PRKN: variants seen among roughly 807,000 people sequenced by gnomAD.
PRKN encodes parkin RBR E3 ubiquitin protein ligase.
A neutral mutation model predicts 59.5 loss-of-function variants in PRKN; 56 were observed. The ratio of observed to expected loss-of-function variants is 0.94; its 90% CI spans 0.76 to 1.18. The LOEUF is 1.18. Ranked by LOEUF, PRKN falls within the 50% of genes most tolerant of loss-of-function variation. The pLI is 0.00. For synonymous variants in PRKN, 250 were observed against 222.1 expected, an observed-to-expected ratio of 1.13 and a Z score of -1.12; for missense variants, 657 against 596.4, an observed-to-expected ratio of 1.10 and a Z score of -1.06.
chr6:162,722,042 A>G (rs1252650647), intron 1 of PRKN, among the ~76,000 whole-genome samples: 1 of 152,088 alleles, frequency 6.6e-6, no homozygotes, highest in Non-Finnish European at 1.5e-5. Flanking sequence ...TGAAGGTGCA[A>G]TCTATACCAC....
At chr6:162,727,449 G>A (rs1779316372) in intron 1 of PRKN, among the ~76,000 whole-genome samples, 1 of 152,120 alleles carries the variant, frequency 6.6e-6, no homozygotes, top group South Asian at 2.1e-4. Context: ...GAGCAGGGGC[G>A]GGCAGGCGAG....
At chr6:162,338,524 G>T (rs1363360372) in intron 2 of PRKN, among the ~76,000 whole-genome samples, 1 of 152,214 alleles carries the variant, frequency 6.6e-6, no homozygotes, top group Non-Finnish European at 1.5e-5. Context: ...GAGGTGCCGG[G>T]ATTGCAGACG....
chr6:162,645,868 C>CTTTTTTTT (rs751656108), intron 1 of PRKN, among the ~76,000 whole-genome samples: 5 of 121,138 alleles, frequency 4.1e-5, no homozygotes, highest in Non-Finnish European at 5.2e-5. Context: ...TAAACTTTCT[C>CTTTTTTTT]TTTTTTTTTT....
At position 161,772,809 on chromosome 6, in the gene PRKN, A is replaced by G. The variant is rs562143193; in HGVS notation, c.871+12963T>C. Among the ~76,000 whole-genome samples the G allele has an allele frequency of 1.1e-4, 16 of 152,292 alleles. 1 individual carries two copies. In the South Asian group the frequency reaches 2.9e-3, roughly 28 times the overall value. On this transcript the variant is annotated intron_variant, in intron 7 of 11. Transcript: ENST00000366898. ...GAGGAAGACAGCCATTATCTAGTGT[A>G]ATTAACAAAATATATATAACAAAAA...
At chr6:161,519,932 G>A (rs1778758391) in intron 9 of PRKN, among the ~76,000 whole-genome samples, 1 of 152,170 alleles carries the variant, frequency 6.6e-6, no homozygotes, top group Non-Finnish European at 1.5e-5. Flanking sequence ...GTAACAATTA[G>A]AAGGTGAAAG....
At position 162,186,066 on chromosome 6, in the gene PRKN, T is replaced by C. The variant is rs191495760; in HGVS notation, c.534+15065A>G. On this transcript the variant is annotated intron_variant, in intron 4 of 11. Coordinates refer to ENST00000366898, the MANE Select transcript of PRKN (RefSeq NM_004562.3). ...GTGAACCTTGTATAGTTTTCTTGGG[T>C]GTAAAATAGTCACAGGATTCCCAAC... is the stretch of plus-strand genomic sequence containing the variant. Among the ~76,000 whole-genome samples, 592 of 152,170 alleles carry C rather than the reference T, an allele frequency of 3.9e-3. 7 individuals are homozygous for C. Among genetic ancestry groups the C allele is most frequent in the Admixed American group, 7.7e-3 (117 of 15,274 alleles).
intron 6 of PRKN, among the ~76,000 whole-genome samples, chr6:161,826,108 G>A (rs553964327): frequency 2.6e-5 from 4 of 152,208 alleles, no homozygotes; most frequent in East Asian, 3.9e-4. Flanking sequence ...AAAAAGCCTG[G>A]CAATCTAGCA....
intron 10 of PRKN, among the ~76,000 whole-genome samples, chr6:161,382,975 T>C (rs1786061802): frequency 6.6e-6 from 1 of 152,166 alleles, no homozygotes; most frequent in Non-Finnish European, 1.5e-5. Context: ...CAAAGAACCC[T>C]GCAACTGAAT....
intron 2 of PRKN, among the ~76,000 whole-genome samples, chr6:162,300,131 A>G (rs1416819532): frequency 6.6e-6 from 1 of 152,172 alleles, no homozygotes; most frequent in African/African-American, 2.4e-5. Context: ...TCTGGATAAT[A>G]CAACAGTGCT....
At chr6:161,643,424 A>G (rs1187355456) in intron 7 of PRKN, among the ~76,000 whole-genome samples, 1 of 152,208 alleles carries the variant, frequency 6.6e-6, no homozygotes, top group East Asian at 1.9e-4. Context: ...AGCCTCTTCT[A>G]TATACATTGC....
intron 9 of PRKN, among the ~76,000 whole-genome samples, chr6:161,493,012 TATAC>T (rs1486387886): frequency 5.9e-5 from 9 of 152,224 alleles, no homozygotes; most frequent in Admixed American, 2.0e-4. Context: ...TTCATGCATA[TATAC>T]ATAGTTATAA....
chr6:162,493,419 G>A (rs1391342220), intron 1 of PRKN, among the ~76,000 whole-genome samples: 1 of 152,156 alleles, frequency 6.6e-6, no homozygotes, highest in East Asian at 1.9e-4. Flanking sequence ...GCAGCAATGA[G>A]CCAAGGACAC....
At chr6:161,389,838 C>T (rs1786429185) in intron 9 of PRKN, among the ~76,000 whole-genome samples, 1 of 152,170 alleles carries the variant, frequency 6.6e-6, no homozygotes, top group Admixed American at 6.5e-5. Flanking sequence ...GGTAGAGGAA[C>T]ACCCTGGAGG....
chr6:161,949,138 C>T (rs937838036), intron 6 of PRKN, among the ~76,000 whole-genome samples: 2 of 152,156 alleles, frequency 1.3e-5, no homozygotes, highest in South Asian at 2.1e-4. Context: ...ATCCACACAA[C>T]GCTATGAAGT....
rs2115047046 is a variant in PRKN at position 161,429,055 on chromosome 6, A to C, written c.1084-42178T>G. ...GATAACGTAAGATGTTCCTGAAGCT[A>C]AACTTCTCTTAGACAGGACACCTGC... On this transcript the variant is annotated intron_variant, in intron 9 of 11. Transcript: ENST00000366898. This position sits in a 1 kb window ranked among gnomAD's most constrained non-coding sequence, Gnocchi z 4.2. Among the ~76,000 whole-genome samples, 1 of 152,340 alleles carries C rather than the reference A, an allele frequency of 6.6e-6. No individual in the cohort carries two copies. Among genetic ancestry groups the C allele is most frequent in the South Asian group, 2.1e-4 (1 of 4,828 alleles).
chr6:162,173,810 A>C (rs537947652), intron 4 of PRKN, among the ~76,000 whole-genome samples: 1 of 152,292 alleles, frequency 6.6e-6, no homozygotes, highest in Non-Finnish European at 1.5e-5. Flanking sequence ...GAATTGCAAT[A>C]TTACTTTATA....
intron 1 of PRKN, among the ~76,000 whole-genome samples, chr6:162,527,087 G>A (rs546220501): frequency 6.6e-6 from 1 of 152,300 alleles, no homozygotes; most frequent in South Asian, 2.1e-4. Context: ...GCTCACATTT[G>A]CATATACTAA....
In PRKN at chr6:161,356,301, T is replaced by C. The variant is rs1307896535; in HGVS notation, c.1285+3787A>G. On this transcript the variant is annotated intron_variant, in intron 11 of 11. Coordinates refer to ENST00000366898, the MANE Select transcript of PRKN (RefSeq NM_004562.3). The surrounding 1 kb of genome is among the most constrained non-coding windows in gnomAD (Gnocchi z 7.8). ...GCAGGGTGGTAAGGGGCGGTCTGAC[T>C]GAGAAGAGGTCAGCTGGGGTAAGAT... 6.6e-6 allele frequency among the ~76,000 whole-genome samples: 1 copy of C among 152,010 alleles called. No individual in the cohort carries two copies. The highest frequency in any genetic ancestry group is 2.4e-5 in the African/African-American group (1 of 41,392).
intron 1 of PRKN, among the ~76,000 whole-genome samples, chr6:162,585,650 C>T (rs1227100079): frequency 2.0e-5 from 3 of 152,136 alleles, no homozygotes; most frequent in African/African-American, 4.8e-5. Context: ...TTTGATTCCA[C>T]ATTTCAGGGC....
Sources: allele counts gnomAD v4.1 joint callset (sites outside exome capture counted in the v4.1 genomes callset), GRCh38; gene constraint gnomAD v4.1.1; non-coding constraint Gnocchi (gnomAD v3.1); transcripts MANE v1.5; gene names NCBI Gene and HGNC (gene_info 2026-07-23, HGNC 2026-07-21).